The following ZNF540 variants were observed in gnomAD, a reference collection of about 807,000 sequenced individuals.
ZNF540 encodes the protein zinc finger protein 540.
ZNF540 carries 3 observed loss-of-function variants against 11.8 expected under a neutral mutation model. The observed-to-expected ratio is 0.25, with a 90% CI of 0.12 to 0.65. The LOEUF (loss-of-function observed/expected upper bound fraction) is 0.65. Ranked by LOEUF, ZNF540 falls within the 30% of genes least tolerant of loss-of-function variation. The pLI is 0.83. For missense variants in ZNF540, 709 were observed against 793.1 expected (o/e 0.89, Z 1.27); for synonymous variants, 247 against 259.0 (o/e 0.95, Z 0.45).
Position 37,599,752 on chromosome 19 carries a change from G to C in ZNF540, c.136G>C (p.Gly46Arg). ...LENYNNLVSL[G>R]YSGSKPDVIT... Reference sequence around the variant, plus strand: ...GAATTATAATAACTTGGTCTCACTGGGTAAGGTCACCTATGTCAAATAATG... The same window carrying C: ...GAATTATAATAACTTGGTCTCACTGCGTAAGGTCACCTATGTCAAATAATG... Residue 46 changes from glycine (G) to arginine (R), a missense_variant and splice_region_variant, in exon 3 of 5, where the codon GGA becomes CGA. Physicochemically the swap from Gly to Arg is moderately radical, Grantham distance 125. Transcript: ENST00000316433. 6.3e-7 allele frequency: 1 copy of C among 1,598,972 alleles called. No homozygotes were observed. The highest frequency in any genetic ancestry group is 8.5e-7 in the Non-Finnish European group (1 of 1,171,796).
chr19:37,610,728 CA>C (rs1349226537), intron 4 of ZNF540, among the ~76,000 whole-genome samples: 3 of 152,018 alleles, frequency 2.0e-5, no homozygotes, highest in African/African-American at 7.3e-5. Flanking sequence ...TTTAGGTAAC[CA>C]AAGACCATAT....
chr19:37,602,933 A>C (rs1026911088), intron 4 of ZNF540, among the ~76,000 whole-genome samples: 1 of 151,958 alleles, frequency 6.6e-6, no homozygotes, highest in Non-Finnish European at 1.5e-5. Flanking sequence ...AAACTTTTCT[A>C]ATGGGAAATC....
At chr19:37,583,869 C>A in intron 1 of ZNF540, 1 of 1,253,620 alleles carries the variant, frequency 8.0e-7, no homozygotes, top group South Asian at 1.5e-5. Context: ...TACTTCTACT[C>A]AAACGTAAGC....
At position 37,612,332 on chromosome 19, in the gene ZNF540, G is replaced by C. The variant is rs758468817; in HGVS notation, c.1052G>C (p.Gly351Ala). Reference sequence around the variant, plus strand: ...ACCCGTCATCAGAAAATTCATACTGGTGTAAAACCCTACGAATGTAAGGAA... The same window carrying C: ...ACCCGTCATCAGAAAATTCATACTGCTGTAAAACCCTACGAATGTAAGGAA... Reference protein sequence around the residue: ...QLTRHQKIHTGVKPYECKECG... With the variant: ...QLTRHQKIHTAVKPYECKECG... The change falls in exon 5 of 5, where the codon GGT becomes GCT. Residue 351 changes from glycine to alanine, a missense_variant. Coordinates refer to ENST00000316433, the MANE Select transcript of ZNF540 (RefSeq NM_001172225.3). 8.1e-6 allele frequency: 13 copies of C among 1,613,934 alleles called. No homozygotes were observed. Among genetic ancestry groups the C allele is most frequent in the Non-Finnish European group, 1.1e-5 (13 of 1,180,004 alleles).
chr19:37,587,709 G>T (rs2043724541), intron 1 of ZNF540, among the ~76,000 whole-genome samples: 1 of 151,952 alleles, frequency 6.6e-6, no homozygotes, highest in Non-Finnish European at 1.5e-5. Context: ...AATAATTTAA[G>T]TAAGATTTTG....
intron 1 of ZNF540, among the ~76,000 whole-genome samples, chr19:37,552,589 C>T (rs537675413): frequency 6.6e-6 from 1 of 152,176 alleles, no homozygotes; most frequent in Non-Finnish European, 1.5e-5. Context: ...CAATACACTT[C>T]TATAGTATTA....
chr19:37,588,029 G>A (rs992349680), intron 1 of ZNF540, among the ~76,000 whole-genome samples: 1 of 148,186 alleles, frequency 6.7e-6, no homozygotes, highest in Non-Finnish European at 1.5e-5. Flanking sequence ...GTACGCGGGA[G>A]GTGGAGGTTG....
chr19:37,579,750 G>A (rs1262883014), intron 1 of ZNF540, among the ~76,000 whole-genome samples: 1 of 152,134 alleles, frequency 6.6e-6, no homozygotes, highest in East Asian at 1.9e-4. Flanking sequence ...ATTAATTGCA[G>A]CTGTGCTTTT....
At chr19:37,608,323 C>A (rs2044100378) in intron 4 of ZNF540, among the ~76,000 whole-genome samples, 1 of 152,188 alleles carries the variant, frequency 6.6e-6, no homozygotes, top group African/African-American at 2.4e-5. Flanking sequence ...CTAGTGAGCA[C>A]ATCAGAGCCA....
chr19:37,591,844 A>G (rs1345271541), upstream of ZNF540, among the ~76,000 whole-genome samples: 1 of 152,086 alleles, frequency 6.6e-6, no homozygotes, highest in Non-Finnish European at 1.5e-5. Context: ...ACACATGGCC[A>G]TGAACCGTAT....
chr19:37,600,682 A>C (rs903146958), intron 3 of ZNF540, among the ~76,000 whole-genome samples: 1 of 152,204 alleles, frequency 6.6e-6, no homozygotes, highest in African/African-American at 2.4e-5. Context: ...AATAGGTAGT[A>C]GAGTAGAATT....
intron 1 of ZNF540, among the ~76,000 whole-genome samples, chr19:37,556,770 G>A (rs1225773885): frequency 6.6e-6 from 1 of 152,192 alleles, no homozygotes; most frequent in Non-Finnish European, 1.5e-5. Flanking sequence ...TTCAAAAGGT[G>A]AGAACCTAGC....
intron 1 of ZNF540, chr19:37,565,909 C>G: frequency 1.9e-6 from 3 of 1,613,778 alleles, no homozygotes; most frequent in Non-Finnish European, 2.5e-6. Flanking sequence ...TAAAGGTATT[C>G]CTGTGTTTCT....
intron 1 of ZNF540, chr19:37,555,277 A>G (rs559343318): frequency 2.0e-5 from 3 of 152,672 alleles, no homozygotes; most frequent in East Asian, 3.9e-4. Flanking sequence ...CAGGGTTAGT[A>G]AAAACAAGGT....
chr19:37,563,658 A>G (rs570770949), intron 1 of ZNF540: 1 of 151,014 alleles, frequency 6.6e-6, no homozygotes, highest in East Asian at 1.9e-4. Context: ...CGTGGAATGT[A>G]TACATATGGG....
At chr19:37,570,836 C>T (rs987472713) in intron 1 of ZNF540, among the ~76,000 whole-genome samples, 14 of 152,016 alleles carry the variant, frequency 9.2e-5, no homozygotes, top group Non-Finnish European at 1.0e-4. Flanking sequence ...GGAAAAACAA[C>T]GAAAAAACCC....
At chr19:37,567,730 C>CT (rs1246646558) in intron 1 of ZNF540, 1 of 152,150 alleles carries the variant, frequency 6.6e-6, no homozygotes, top group East Asian at 1.9e-4. Context: ...TCCTGGATCA[C>CT]TTTAATTAGG....
upstream of ZNF540, among the ~76,000 whole-genome samples, chr19:37,591,964 T>A (rs2043881368): frequency 6.6e-6 from 1 of 152,084 alleles, no homozygotes; most frequent in South Asian, 2.1e-4. Flanking sequence ...CATATATAAC[T>A]GTTAATGAAT....
chr19:37,573,528 A>T (rs574180217), intron 1 of ZNF540, among the ~76,000 whole-genome samples: 49 of 152,248 alleles, frequency 3.2e-4, no homozygotes, highest in Non-Finnish European at 5.0e-4. Context: ...TTTATCTACT[A>T]ATTGAAAATA....
Sources: gnomAD v4.1 joint callset for allele counts (sites outside exome capture counted in the v4.1 genomes callset) on GRCh38, gnomAD v4.1.1 for gene constraint, MANE v1.5 for transcripts, NCBI Gene and HGNC (gene_info 2026-07-23, HGNC 2026-07-21) for gene names.